The following MYZAP variants were observed in gnomAD, a reference collection of about 807,000 sequenced individuals.
MYZAP encodes myocardial zonula adherens protein, also known as GRINL1A complex locus upstream.
A neutral mutation model predicts 69.4 loss-of-function variants in MYZAP; 66 were observed. That is an observed-to-expected ratio of 0.95 (90% CI 0.78 to 1.17). The LOEUF is 1.17. Ranked by LOEUF, MYZAP falls within the 50% of genes most tolerant of loss-of-function variation. The pLI, the probability that MYZAP is intolerant of heterozygous loss-of-function variation, is 0.00. For missense variants in MYZAP, 611 were observed against 556.2 expected, an observed-to-expected ratio of 1.10 and a Z score of -0.99; for synonymous variants, 256 against 205.9, an observed-to-expected ratio of 1.24 and a Z score of -2.09.
rs563740704 is a variant in MYZAP at position 57,637,116 on chromosome 15, C to T, written c.934-579C>T. The stretch of plus-strand genomic sequence containing the variant: ...CCTCCTCCTCCTTAGAAGGGCCCAA[C>T]TGGATAACCCAGGATCTCCCCATTT... On this transcript the variant is annotated intron_variant, in intron 8 of 12. Coordinates refer to ENST00000267853, the MANE Select transcript of MYZAP (RefSeq NM_001018100.5). Among the ~76,000 whole-genome samples, 30 of 152,332 alleles carry T rather than the reference C, an allele frequency of 2.0e-4. No homozygotes were observed. The Middle Eastern group carries it at 0.01, about 52-fold the overall frequency.
chr15:57,676,560 CT>C (rs2039146002), intron 12 of MYZAP, among the ~76,000 whole-genome samples: 1 of 151,004 alleles, frequency 6.6e-6, no homozygotes, highest in African/African-American at 2.4e-5. Context: ...GTACAGAGAC[CT>C]TTTTGAAATT....
chr15:57,632,950 A>G, intron 7 of MYZAP, among the ~76,000 whole-genome samples: 1 of 151,614 alleles, frequency 6.6e-6, no homozygotes, highest in South Asian at 2.1e-4. Context: ...CTTAAATGCC[A>G]CTCTCTCCAT....
chr15:57,631,917 C>G (rs1037264073), intron 6 of MYZAP, among the ~76,000 whole-genome samples: 1 of 152,150 alleles, frequency 6.6e-6, no homozygotes, highest in Non-Finnish European at 1.5e-5. Context: ...CCAGCCACCA[C>G]CAACCTAAGC....
chr15:57,633,719 G>A lies in MYZAP; in HGVS notation c.911G>A (p.Arg304Lys), dbSNP rs773080564. The change falls in exon 8 of 13, where the codon AGG (arginine) becomes AAG (lysine). Residue 304 changes from arginine to lysine, a missense_variant. Physicochemically the swap from Arg to Lys is conservative, Grantham distance 26. Transcript: ENST00000267853. ...EKDQRIGELD[R>K]LIERMEKERH... ...GACCAGAGGATCGGGGAGCTGGACA[G>A]GCTGATTGAGCGCATGGAAAAGGTA... The A allele has an allele frequency of 2.8e-5, 45 of 1,609,714 alleles. 1 individual carries two copies. The East Asian group carries it at 1.0e-3, about 36-fold the overall frequency.
chr15:57,648,110 A>G (rs2037539243), intron 10 of MYZAP: 1 of 833,288 alleles, frequency 1.2e-6, no homozygotes, highest in Admixed American at 8.3e-4. Flanking sequence ...TTAGCATGGT[A>G]TTATTCCTTA....
chr15:57,646,268 TG>T, intron 10 of MYZAP: 1 of 1,281,024 alleles, frequency 7.8e-7, no homozygotes, highest in Non-Finnish European at 1.0e-6. Context: ...CACTCTCTGC[TG>T]GGAAGAGGTG....
At chr15:57,609,120 C>T (rs1478519778) in intron 2 of MYZAP, among the ~76,000 whole-genome samples, 1 of 152,198 alleles carries the variant, frequency 6.6e-6, no homozygotes, top group East Asian at 1.9e-4. Flanking sequence ...TGTATGTAGG[C>T]ACATACACAC....
chr15:57,631,226 A>G (rs2036486146), intron 6 of MYZAP, among the ~76,000 whole-genome samples: 1 of 152,068 alleles, frequency 6.6e-6, no homozygotes, highest in South Asian at 2.1e-4. Flanking sequence ...GTCCACAAAT[A>G]TTTATTGAGT....
chr15:57,676,436 GTATA>G (rs1244767243), intron 12 of MYZAP, among the ~76,000 whole-genome samples: 2 of 20,100 alleles, frequency 1.0e-4, no homozygotes, highest in African/African-American at 1.8e-4. Context: ...ATATATATAT[GTATA>G]TATATATATA....
chr15:57,605,499 G>T (rs750833530), intron 2 of MYZAP, among the ~76,000 whole-genome samples: 1 of 152,128 alleles, frequency 6.6e-6, no homozygotes, highest in Non-Finnish European at 1.5e-5. Context: ...GCTTCTCATC[G>T]ATGGCTAAGT....
Position 57,674,904 on chromosome 15 carries a change from A to G in MYZAP, c.1204-64A>G, listed in dbSNP as rs2039040390. 6.5e-6 allele frequency: 9 copies of G among 1,380,966 alleles called. No homozygotes were observed. The South Asian group carries it at 9.1e-5, about 14-fold the overall frequency. 85.5% of individuals were successfully genotyped at this position (1,380,966 alleles called of 1,614,324 possible). A position where few individuals can be genotyped will look rare whatever the true frequency, so the allele number is the denominator to read the frequency against. On this transcript the variant is annotated intron_variant, in intron 11 of 12. Transcript: ENST00000267853. The stretch of plus-strand genomic sequence containing the variant: ...AAATCAGATAATACATATAAATTGT[A>G]TCATGCATATTTGAGGGGGAACATA...
At chr15:57,630,571 C>T (rs907969352) in intron 6 of MYZAP, among the ~76,000 whole-genome samples, 16 of 152,112 alleles carry the variant, frequency 1.1e-4, no homozygotes, top group African/African-American at 3.9e-4. Context: ...TGGTGGGTGA[C>T]TAGGGACACT....
intron 10 of MYZAP, among the ~76,000 whole-genome samples, chr15:57,643,645 T>G (rs1394690569): frequency 1.3e-5 from 2 of 152,098 alleles, no homozygotes; most frequent in Non-Finnish European, 2.9e-5. Context: ...AAAAATCAAC[T>G]ATTTGCCTTC....
Position 57,604,272 on chromosome 15 carries a change from A to G in MYZAP, c.79A>G (p.Asn27Asp). ...CTCTCCTTTCCCTCTCTTCTAGGCAAATGTTTGCAGACTACGGCTGACCGT... is the reference window on the plus strand; with the variant it reads ...CTCTCCTTTCCCTCTCTTCTAGGCAGATGTTTGCAGACTACGGCTGACCGT... Reference protein sequence around the residue: ...RTPGAPSRRANVCRLRLTVPP... With the variant: ...RTPGAPSRRADVCRLRLTVPP... The change falls in exon 2 of 13, where the codon AAT becomes GAT. Residue 27 changes from asparagine (N) to aspartate (D), a missense_variant. Physicochemically the swap from Asn to Asp is conservative, Grantham distance 23. Transcript: ENST00000267853. 6.2e-7 allele frequency: 1 copy of G among 1,614,090 alleles called. No homozygotes were observed. Among genetic ancestry groups the G allele is most frequent in the Non-Finnish European group, 8.5e-7 (1 of 1,180,008 alleles).
At chr15:57,672,072 T>C (rs1020159461) in intron 11 of MYZAP, among the ~76,000 whole-genome samples, 43 of 152,222 alleles carry the variant, frequency 2.8e-4, no homozygotes, top group African/African-American at 8.9e-4. Flanking sequence ...CTTTAAACAT[T>C]AGCTGCAAAC....
At chr15:57,675,221 T>G (rs77724183) in intron 12 of MYZAP, among the ~76,000 whole-genome samples, 153 bp downstream of exon 12, 1,659 of 152,284 alleles carry the variant, frequency 0.011, 35 homozygotes, top group African/African-American at 0.038. Context: ...TTGACTGGTT[T>G]CTGTAGGAAC....
intron 9 of MYZAP, among the ~76,000 whole-genome samples, chr15:57,638,048 G>A (rs1387573957): frequency 7.2e-5 from 11 of 152,134 alleles, no homozygotes; most frequent in Non-Finnish European, 1.3e-4. Flanking sequence ...GTTCTCCATG[G>A]CCTTGAACTC....
At chr15:57,603,466 C>G (rs2034544152) in intron 1 of MYZAP, among the ~76,000 whole-genome samples, 1 of 152,176 alleles carries the variant, frequency 6.6e-6, no homozygotes. Context: ...AGCTGGGATT[C>G]CATGCCCATT....
intron 10 of MYZAP, among the ~76,000 whole-genome samples, chr15:57,660,600 C>G (rs1244662910): frequency 2.6e-5 from 4 of 152,218 alleles, no homozygotes; most frequent in Admixed American, 6.5e-5. Flanking sequence ...TAGGAGTGAA[C>G]TACTGTGCTC....
Sources: gnomAD v4.1 joint callset for allele counts (sites outside exome capture counted in the v4.1 genomes callset) on GRCh38, gnomAD v4.1.1 for gene constraint, MANE v1.5 for transcripts, NCBI Gene and HGNC (gene_info 2026-07-23, HGNC 2026-07-21) for gene names.